TCF12: variants seen among roughly 807,000 people sequenced by gnomAD.
The protein encoded by TCF12 is DNA-binding protein HTF4.
In TCF12, 45 loss-of-function variants were observed where a neutral mutation model predicts 86.0. The ratio of observed to expected loss-of-function variants is 0.52; its 90% CI spans 0.41 to 0.67. TCF12 has a LOEUF of 0.67. TCF12 is among the 30% of genes least tolerant of loss of function. The pLI, the probability that TCF12 is intolerant of heterozygous loss-of-function variation, is 0.00. For synonymous variants in TCF12, 330 were observed against 299.6 expected (o/e 1.10, Z -1.05); for missense variants, 881 against 859.9 (o/e 1.02, Z -0.31).
intron 3 of TCF12, among the ~76,000 whole-genome samples, chr15:57,003,277 G>A (rs540087213): frequency 2.0e-5 from 3 of 152,236 alleles, no homozygotes; most frequent in Admixed American, 1.3e-4. Context: ...GAAATACAGG[G>A]TTAGGTACCT....
chr15:57,250,544 C>T (rs1023114144), intron 13 of TCF12, among the ~76,000 whole-genome samples: 1 of 151,986 alleles, frequency 6.6e-6, no homozygotes, highest in Non-Finnish European at 1.5e-5. Context: ...GCCTGGCCAA[C>T]GTAGTGAAAC....
chr15:57,123,444 A>G (rs2051379203), intron 5 of TCF12, among the ~76,000 whole-genome samples: 1 of 152,102 alleles, frequency 6.6e-6, no homozygotes, highest in East Asian at 1.9e-4. Context: ...ATTTTGTTTG[A>G]AAGTCTTTCA....
rs2593246 is a variant in TCF12, at chr15:57,166,703, A to G, written c.390+237A>G. Among the ~76,000 whole-genome samples the G allele has an allele frequency of 0.12, 18,091 of 152,238 alleles. 2,625 individuals carry two copies. The highest frequency in any genetic ancestry group is 0.35 in the African/African-American group (14,514 of 41,502). On this transcript the variant is annotated intron_variant, in intron 6 of 20. Coordinates refer to ENST00000333725, the MANE Select transcript of TCF12 (RefSeq NM_207037.2). ...CTCCATTTTAACTGGAAACAAAGCT[A>G]CCGCTTTCCAAAATGCTTGTCATTT...
intron 15 of TCF12, among the ~76,000 whole-genome samples, chr15:57,253,047 G>A (rs972279408): frequency 6.6e-6 from 1 of 150,566 alleles, no homozygotes; most frequent in Non-Finnish European, 1.5e-5. Flanking sequence ...TTATAAAGCA[G>A]TGATTTGTTT....
intron 12 of TCF12, among the ~76,000 whole-genome samples, chr15:57,239,197 C>G (rs765720489): frequency 6.6e-6 from 1 of 151,784 alleles, no homozygotes; most frequent in African/African-American, 2.4e-5. Context: ...ACTAAAAATA[C>G]AAAATTAGCC....
In TCF12 at chr15:56,926,131, G is replaced by GCAAA. The variant is rs552489852; in HGVS notation, c.148+5034_148+5037dup. ...GTTGGAGACCAGCCTGGCCAACGTA[G>GCAAA]CAAAACCCTGTCTCTACCAAAAATA... On this transcript the variant is annotated intron_variant, in intron 3 of 20. Coordinates refer to ENST00000333725, the MANE Select transcript of TCF12 (RefSeq NM_207037.2). 5.6e-4 allele frequency among the ~76,000 whole-genome samples: 85 copies of GCAAA among 152,216 alleles called. No individual in the cohort carries two copies. In the South Asian group the frequency reaches 0.01, roughly 19 times the overall value.
intron 5 of TCF12, among the ~76,000 whole-genome samples, chr15:57,094,954 T>C (rs1260615829): frequency 3.9e-5 from 6 of 152,218 alleles, no homozygotes; most frequent in Non-Finnish European, 7.3e-5. Flanking sequence ...AAATTTTGTC[T>C]AACAAGGGTT....
intron 6 of TCF12, among the ~76,000 whole-genome samples, chr15:57,190,864 G>A (rs2056944833): frequency 6.6e-6 from 1 of 152,144 alleles, no homozygotes; most frequent in South Asian, 2.1e-4. Context: ...TACATTGGTT[G>A]ACAGATTAAG....
chr15:56,953,575 A>T (rs213146), intron 3 of TCF12, among the ~76,000 whole-genome samples: 143,343 of 152,010 alleles, frequency 0.94, 67,907 homozygotes, highest in Non-Finnish European at 0.99. Flanking sequence ...TGGAGGTTTT[A>T]AACTACAAGT....
intron 7 of TCF12, among the ~76,000 whole-genome samples, chr15:57,196,157 C>T (rs2057253237): frequency 2.9e-5 from 4 of 136,438 alleles, no homozygotes; most frequent in Non-Finnish European, 5.0e-5. Context: ...TTCAGCCAAC[C>T]ACAGATAGAA....
At chr15:57,043,350 A>G (rs1384695337) in intron 3 of TCF12, among the ~76,000 whole-genome samples, 1 of 152,140 alleles carries the variant, frequency 6.6e-6, no homozygotes, top group Non-Finnish European at 1.5e-5. Context: ...TTAATTTTTT[A>G]AGGACCTGCC....
chr15:57,012,761 C>G (rs1359778440), intron 3 of TCF12, among the ~76,000 whole-genome samples: 1 of 152,174 alleles, frequency 6.6e-6, no homozygotes, highest in Non-Finnish European at 1.5e-5. Context: ...CTTGGGCAAT[C>G]TGCTCAGGCA....
intron 7 of TCF12, among the ~76,000 whole-genome samples, chr15:57,196,659 A>G (rs948065010): frequency 6.6e-6 from 1 of 152,204 alleles, no homozygotes; most frequent in Admixed American, 6.5e-5. Flanking sequence ...TATAAGTAAA[A>G]TTAACTCATC....
chr15:57,038,003 G>A (rs1171498650), intron 3 of TCF12, among the ~76,000 whole-genome samples: 2 of 152,124 alleles, frequency 1.3e-5, no homozygotes, highest in African/African-American at 4.8e-5. Context: ...AATGAAATAG[G>A]TTTTAAACTA....
At chr15:57,034,497 G>A (rs2066386936) in intron 3 of TCF12, among the ~76,000 whole-genome samples, 1 of 152,072 alleles carries the variant, frequency 6.6e-6, no homozygotes, top group African/African-American at 2.4e-5. Flanking sequence ...GGTTTCATAT[G>A]TTCAGCCTTG....
chr15:57,283,827 TATATAGGGTCAAATGAGACTAC>T (rs1287804980), intron 20 of TCF12, among the ~76,000 whole-genome samples: 60 of 152,304 alleles, frequency 3.9e-4, no homozygotes, highest in African/African-American at 1.2e-3. Context: ...CGCCACTACA[TATATAGGGTCAAATGAGACTAC>T]ATATAGGGTC....
chr15:57,261,609 C>T lies in TCF12; in HGVS notation c.1468-485C>T, dbSNP rs562117266. 1.9e-3 allele frequency among the ~76,000 whole-genome samples: 285 copies of T among 152,216 alleles called. 1 individual carries two copies. The highest frequency in any genetic ancestry group is 6.6e-3 in the African/African-American group (275 of 41,560). On this transcript the variant is annotated intron_variant, in intron 16 of 20. Coordinates refer to ENST00000333725, the MANE Select transcript of TCF12 (RefSeq NM_207037.2). Reference sequence around the variant, plus strand: ...TCTGCTACTATTCTAATAAAAACTTCATCCGTAACAAGTTTTTTTATGTAA... The same window carrying T: ...TCTGCTACTATTCTAATAAAAACTTTATCCGTAACAAGTTTTTTTATGTAA...
intron 16 of TCF12, among the ~76,000 whole-genome samples, chr15:57,260,836 C>A (rs2152051456): frequency 6.6e-6 from 1 of 152,190 alleles, no homozygotes; most frequent in East Asian, 1.9e-4. Flanking sequence ...ACCAGGATAC[C>A]CTTGAAACAG....
chr15:57,272,971 A>G (rs2061212602), intron 18 of TCF12, 59 bp from the exon 19 acceptor site: 10 of 1,482,002 alleles, frequency 6.7e-6, no homozygotes, highest in Non-Finnish European at 9.3e-6. Flanking sequence ...ATTGTGCACA[A>G]TCAGCATATC....
Sources: allele counts gnomAD v4.1 joint callset (sites outside exome capture counted in the v4.1 genomes callset), GRCh38; gene constraint gnomAD v4.1.1; transcripts MANE v1.5; gene names NCBI Gene and HGNC (gene_info 2026-07-23, HGNC 2026-07-21).